ENTREP2: variants seen among roughly 807,000 people sequenced by gnomAD.
ENTREP2 encodes the protein endosomal transmembrane epsin interactor 2.
chr15:29,348,272 T>C, the ENTREP2 span, among the ~76,000 whole-genome samples: 2,611 of 152,226 alleles, frequency 0.017, 81 homozygotes, highest in African/African-American at 0.059. Context: ...GGCAAGAGGC[T>C]TGATACATCA....
the ENTREP2 span, among the ~76,000 whole-genome samples, chr15:29,216,465 G>T: frequency 1.7e-3 from 261 of 152,208 alleles, 1 homozygote; most frequent in African/African-American, 6.1e-3. Context: ...TTTTTGTGAT[G>T]GATTTCCCAG....
the ENTREP2 span, among the ~76,000 whole-genome samples, chr15:29,512,153 T>TA: frequency 6.6e-6 from 1 of 152,054 alleles, no homozygotes. Context: ...CTAATGAAAC[T>TA]AAAGCTTTGT....
the ENTREP2 span, among the ~76,000 whole-genome samples, chr15:29,421,201 C>T: frequency 6.6e-6 from 1 of 152,144 alleles, no homozygotes; most frequent in Non-Finnish European, 1.5e-5. Flanking sequence ...TTGATTAAGG[C>T]GAGGCAAGTA....
At chr15:29,514,436 A>G in the ENTREP2 span, among the ~76,000 whole-genome samples, 4 of 152,174 alleles carry the variant, frequency 2.6e-5, no homozygotes, top group African/African-American at 9.7e-5. Context: ...TACAGACCAC[A>G]TTTTATGTAT....
the ENTREP2 span, among the ~76,000 whole-genome samples, chr15:29,322,507 G>A: frequency 1.3e-4 from 20 of 152,052 alleles, no homozygotes; most frequent in Non-Finnish European, 2.4e-4. Flanking sequence ...TAAATCCCGG[G>A]ACCCTAATTC....
At chr15:29,607,768 C>G in the ENTREP2 span, among the ~76,000 whole-genome samples, 1 of 150,302 alleles carries the variant, frequency 6.7e-6, no homozygotes, top group African/African-American at 2.5e-5. Context: ...AGTCAGGGTT[C>G]CCTAGGGGGA....
the ENTREP2 span, among the ~76,000 whole-genome samples, chr15:29,585,721 T>C: frequency 6.6e-6 from 1 of 152,206 alleles, no homozygotes; most frequent in South Asian, 2.1e-4. Context: ...CCGGGCGCGG[T>C]GGCGGGCGCC....
the ENTREP2 span, among the ~76,000 whole-genome samples, chr15:29,208,889 C>G: frequency 1.3e-5 from 2 of 152,170 alleles, no homozygotes; most frequent in African/African-American, 4.8e-5. Context: ...ATGAGTGAAT[C>G]TAACCGACAT....
chr15:29,157,978 A>G, the ENTREP2 span, among the ~76,000 whole-genome samples: 2 of 152,122 alleles, frequency 1.3e-5, no homozygotes, highest in African/African-American at 4.8e-5. Flanking sequence ...TGGCCTCCCA[A>G]AGTGCTGGGA....
the ENTREP2 span, among the ~76,000 whole-genome samples, chr15:29,501,430 T>C: frequency 3.5e-4 from 54 of 152,196 alleles, no homozygotes; most frequent in African/African-American, 1.2e-3. Flanking sequence ...ATCATCTCAA[T>C]AGATGCAGAA....
the ENTREP2 span, among the ~76,000 whole-genome samples, chr15:29,299,890 T>C: frequency 6.9e-6 from 1 of 144,096 alleles, no homozygotes; most frequent in Non-Finnish European, 1.5e-5. Flanking sequence ...GATGGATGGA[T>C]GGATGAATGG....
chr15:29,331,636 C>T, the ENTREP2 span, among the ~76,000 whole-genome samples: 2 of 152,274 alleles, frequency 1.3e-5, no homozygotes, highest in Middle Eastern at 6.8e-3. Flanking sequence ...ACTGGTGCAC[C>T]GATATTCAGC....
chr15:29,553,697 G>A, the ENTREP2 span, among the ~76,000 whole-genome samples: 1 of 152,160 alleles, frequency 6.6e-6, no homozygotes, highest in Non-Finnish European at 1.5e-5. Context: ...CAGCCATCAT[G>A]TAGGAAGTCC....
chr15:29,271,901 A>G, the ENTREP2 span, among the ~76,000 whole-genome samples: 1 of 152,112 alleles, frequency 6.6e-6, no homozygotes, highest in African/African-American at 2.4e-5. Context: ...ACCGAGATAT[A>G]AGGGGAAAGT....
the ENTREP2 span, among the ~76,000 whole-genome samples, chr15:29,591,680 TA>T: frequency 6.6e-6 from 1 of 151,152 alleles, no homozygotes; most frequent in Non-Finnish European, 1.5e-5. Context: ...CTGCAAAAAA[TA>T]AAAAAATACA....
the ENTREP2 span, among the ~76,000 whole-genome samples, chr15:29,220,702 A>C: frequency 1.3e-5 from 2 of 152,306 alleles, no homozygotes; most frequent in Admixed American, 1.3e-4. Flanking sequence ...TCTTTGGTGC[A>C]TGAACGTGTA....
At chr15:29,621,603 A>AAAAC in the ENTREP2 span, among the ~76,000 whole-genome samples, 1 of 151,088 alleles carries the variant, frequency 6.6e-6, no homozygotes, top group East Asian at 1.9e-4. Context: ...AAAAAAAAAA[A>AAAAC]AAAAACCCAG....
chr15:29,645,994 CA>C, the ENTREP2 span, among the ~76,000 whole-genome samples: 1 of 152,124 alleles, frequency 6.6e-6, no homozygotes, highest in East Asian at 1.9e-4. Flanking sequence ...TGGCAGGTCA[CA>C]CTGGAAGCAG....
At chr15:29,301,721 T>A in the ENTREP2 span, among the ~76,000 whole-genome samples, 1 of 152,044 alleles carries the variant, frequency 6.6e-6, no homozygotes, top group Non-Finnish European at 1.5e-5. Flanking sequence ...TAATTCCCAG[T>A]GTGATAGTAT....
Sources: gnomAD v4.1 joint callset for allele counts (sites outside exome capture counted in the v4.1 genomes callset) on GRCh38, gnomAD v4.1.1 for gene constraint, MANE v1.5 for transcripts, NCBI Gene and HGNC (gene_info 2026-07-23, HGNC 2026-07-21) for gene names.